Variants in HIP1 observed in about 807,000 individuals in gnomAD.
The protein encoded by HIP1 is huntingtin interacting protein 1.
HIP1 carries 65 observed loss-of-function variants against 147.6 expected under a neutral mutation model. That is an observed-to-expected ratio of 0.44 (90% CI 0.36 to 0.54). The LOEUF (loss-of-function observed/expected upper bound fraction) is 0.54. Ranked by LOEUF, HIP1 falls within the 20% of genes least tolerant of loss-of-function variation. The pLI, the probability that HIP1 is intolerant of heterozygous loss-of-function variation, is 0.00. For synonymous variants in HIP1, 479 were observed against 504.0 expected (o/e 0.95, Z 0.67); for missense variants, 1,061 against 1,299.6 (o/e 0.82, Z 2.82).
chr7:75,588,389 A>G (rs587640136), intron 4 of HIP1, among the ~76,000 whole-genome samples: 60 of 152,342 alleles, frequency 3.9e-4, no homozygotes, highest in Admixed American at 7.2e-4. Flanking sequence ...ACTTTAGATA[A>G]TAGAATTACA....
intron 1 of HIP1, among the ~76,000 whole-genome samples, chr7:75,639,553 G>C (rs1798571012): frequency 1.4e-5 from 2 of 147,000 alleles, no homozygotes; most frequent in Admixed American, 1.4e-4. Flanking sequence ...CCGCCGGCCC[G>C]CCAGGAAGCG....
intron 8 of HIP1, among the ~76,000 whole-genome samples, chr7:75,569,409 G>A (rs1408710935): frequency 2.0e-5 from 3 of 152,088 alleles, no homozygotes; most frequent in African/African-American, 7.2e-5. Flanking sequence ...TTTGAGACCA[G>A]CCTGGGCAAC....
chr7:75,712,697 C>T (rs949384353), intron 1 of HIP1, among the ~76,000 whole-genome samples: 1 of 152,194 alleles, frequency 6.6e-6, no homozygotes, highest in African/African-American at 2.4e-5. Context: ...CTCTCATTCA[C>T]TCATTTACTC....
rs150210571 is a variant in HIP1, at chr7:75,544,813, G to A, written c.2661-13C>T. ...ATCAGCTGCATCCCTGATGGAAAAC[G>A]ACAAGAGGGACTAGGTTACGGGCAA... is the stretch of plus-strand genomic sequence containing the variant. On this transcript the variant is annotated splice_polypyrimidine_tract_variant and intron_variant, in intron 26 of 30. Transcript: ENST00000336926. 96 of 1,504,080 alleles carry A rather than the reference G, an allele frequency of 6.4e-5. No homozygotes were observed. The highest frequency in any genetic ancestry group is 6.0e-4 in the Admixed American group (36 of 59,796). The allele number at this position is 1,504,080 out of a possible 1,614,324, so 93.2% of individuals were successfully genotyped here.
intron 1 of HIP1, among the ~76,000 whole-genome samples, chr7:75,668,853 C>G (rs1406122481): frequency 6.6e-6 from 1 of 152,202 alleles, no homozygotes; most frequent in Non-Finnish European, 1.5e-5. Context: ...GGGTATAGTT[C>G]AGTGATTTTT....
intron 7 of HIP1, among the ~76,000 whole-genome samples, chr7:75,575,072 C>T (rs1795796716): frequency 6.6e-6 from 1 of 152,224 alleles, no homozygotes; most frequent in Non-Finnish European, 1.5e-5. Flanking sequence ...GCAGGAGAAT[C>T]GCTTGAACCC....
chr7:75,632,144 T>C (rs1227303439), intron 1 of HIP1, among the ~76,000 whole-genome samples: 1 of 152,184 alleles, frequency 6.6e-6, no homozygotes, highest in Non-Finnish European at 1.5e-5. Context: ...TGCAAATGTC[T>C]ATTGATGCGT....
chr7:75,544,032 C>T (rs781861210), intron 27 of HIP1, among the ~76,000 whole-genome samples: 8 of 152,114 alleles, frequency 5.3e-5, no homozygotes, highest in East Asian at 1.9e-4. Flanking sequence ...ATTAGCTGGG[C>T]GTGGTGGCAC....
chr7:75,673,816 T>G (rs1332829404), intron 1 of HIP1, among the ~76,000 whole-genome samples: 1 of 38,674 alleles, frequency 2.6e-5, no homozygotes, highest in Admixed American at 2.8e-4. Flanking sequence ...AAGCCCTATC[T>G]CTACAAAAAA....
chr7:75,563,049 T>C lies in HIP1; in HGVS notation c.906A>G (p.Ser302=). Residue 302 remains serine (S), a synonymous_variant, in exon 11 of 31, where the codon TCA becomes TCG. Coordinates refer to ENST00000336926, the MANE Select transcript of HIP1 (RefSeq NM_005338.7). The part of the protein sequence containing the change: ...PENPPNFLRA[S]ALSEHISPVV... ...CAGGGCTGATATGTTCTGACAGGGC[T>C]GAGGCTCGCAGGAAGTTGGGTGGGT... 6.2e-7 allele frequency: 1 copy of C among 1,614,206 alleles called. No homozygotes were observed. The highest frequency in any genetic ancestry group is 1.1e-5 in the South Asian group (1 of 91,076).
chr7:75,719,796 C>A (rs561200544), intron 1 of HIP1, among the ~76,000 whole-genome samples: 1 of 152,264 alleles, frequency 6.6e-6, no homozygotes, highest in East Asian at 1.9e-4. Context: ...GTAAAACAGT[C>A]TGCCTGATAC....
At chr7:75,639,594 C>T (rs63201061) in intron 1 of HIP1, among the ~76,000 whole-genome samples, 1,298 of 114,394 alleles carry the variant, frequency 0.011, 21 homozygotes, top group African/African-American at 0.045. Context: ...TGTGTGTGTG[C>T]GCCCGCGTGT....
intron 1 of HIP1, among the ~76,000 whole-genome samples, chr7:75,633,269 T>C (rs1415949437): frequency 6.6e-6 from 1 of 152,212 alleles, no homozygotes; most frequent in African/African-American, 2.4e-5. Context: ...GGAATATACC[T>C]GGATGTTTTC....
intron 1 of HIP1, among the ~76,000 whole-genome samples, chr7:75,711,585 G>A (rs148381597): frequency 2.0e-5 from 3 of 152,270 alleles, no homozygotes; most frequent in Non-Finnish European, 4.4e-5. Context: ...GGACATTTGA[G>A]ATCAAAAACG....
At chr7:75,717,719 C>T (rs950406875) in intron 1 of HIP1, among the ~76,000 whole-genome samples, 1 of 150,812 alleles carries the variant, frequency 6.6e-6, no homozygotes, top group Admixed American at 6.6e-5. Context: ...ACATGTCCTC[C>T]CAACACTTTG....
chr7:75,718,988 T>A (rs11770686), intron 1 of HIP1, among the ~76,000 whole-genome samples: 85,457 of 151,694 alleles, frequency 0.56, 25,081 homozygotes, highest in African/African-American at 0.72. Flanking sequence ...TAATCTACTT[T>A]TCCAACATCT....
chr7:75,640,561 G>C (rs1158159834), intron 1 of HIP1, among the ~76,000 whole-genome samples: 1 of 152,080 alleles, frequency 6.6e-6, no homozygotes, highest in Admixed American at 6.6e-5. Context: ...AGACCAGCCT[G>C]GCCAAAATGA....
chr7:75,667,498 A>G (rs1799597151), intron 1 of HIP1, among the ~76,000 whole-genome samples: 1 of 152,204 alleles, frequency 6.6e-6, no homozygotes, highest in African/African-American at 2.4e-5. Flanking sequence ...TCATTTATTG[A>G]AAATGGAGGC....
At chr7:75,670,998 A>G (rs1410655372) in intron 1 of HIP1, among the ~76,000 whole-genome samples, 1 of 152,054 alleles carries the variant, frequency 6.6e-6, no homozygotes, top group Non-Finnish European at 1.5e-5. Context: ...TTTATCATAC[A>G]GTATTTGTCT....
Sources: gnomAD v4.1 joint callset for allele counts (sites outside exome capture counted in the v4.1 genomes callset) on GRCh38, gnomAD v4.1.1 for gene constraint, MANE v1.5 for transcripts, NCBI Gene and HGNC (gene_info 2026-07-23, HGNC 2026-07-21) for gene names.